Variants in APP observed in about 807,000 individuals in gnomAD.
The protein encoded by APP is amyloid-beta precursor protein.
A neutral mutation model predicts 101.4 loss-of-function variants in APP; 31 were observed. That is an observed-to-expected ratio of 0.31 (90% confidence interval 0.23 to 0.41). APP has a LOEUF of 0.41. Among genes scored for constraint, APP ranks in the 10% least tolerant of loss-of-function variants. The pLI, the probability that APP is intolerant of heterozygous loss-of-function variation, is 1.00. For synonymous variants in APP, 366 were observed against 364.4 expected (o/e 1.00, Z -0.05); for missense variants, 839 against 1,003.7 (o/e 0.84, Z 2.22).
At chr21:26,036,705 TAAG>T (rs2045127349) in intron 5 of APP, among the ~76,000 whole-genome samples, 1 of 152,016 alleles carries the variant, frequency 6.6e-6, no homozygotes, top group Non-Finnish European at 1.5e-5. Flanking sequence ...ACATGTTGGG[TAAG>T]AAGATTCCCA....
chr21:25,929,137 G>C (rs1039634687), intron 13 of APP: 16 of 152,212 alleles, frequency 1.1e-4, no homozygotes, highest in African/African-American at 3.1e-4. Flanking sequence ...GGCTGGTTGA[G>C]AGATGTGTAC....
At position 26,155,317 on chromosome 21, in the gene APP, T is replaced by C. The variant is rs45504299; in HGVS notation, c.57+15247A>G. On this transcript the variant is annotated intron_variant, in intron 1 of 17. Coordinates refer to ENST00000346798, the MANE Select transcript of APP (RefSeq NM_000484.4). ...AATAAATATGTGAAATGTGAACATT[T>C]TGAAGACATAATATGAAAAAATAAT... is the stretch of plus-strand genomic sequence containing the variant. 5.8e-3 allele frequency among the ~76,000 whole-genome samples: 885 copies of C among 152,332 alleles called. 10 individuals carry two copies. The highest frequency in any genetic ancestry group is 0.02 in the African/African-American group (847 of 41,568).
At chr21:26,096,628 C>T (rs560037820) in intron 2 of APP, among the ~76,000 whole-genome samples, 2 of 152,176 alleles carry the variant, frequency 1.3e-5, no homozygotes, top group South Asian at 2.1e-4. Context: ...ATGTCAACAC[C>T]CATGGGTGCA....
At chr21:26,137,490 T>C (rs531027676) in intron 1 of APP, among the ~76,000 whole-genome samples, 1 of 152,334 alleles carries the variant, frequency 6.6e-6, no homozygotes, top group South Asian at 2.1e-4. Context: ...ATAACTTTCA[T>C]TGTTACAAAA....
chr21:25,951,338 T>C (rs1022285212), intron 13 of APP, among the ~76,000 whole-genome samples: 1 of 152,216 alleles, frequency 6.6e-6, no homozygotes, highest in Admixed American at 6.5e-5. Context: ...CCTCTCCCAC[T>C]AAAGATACTG....
At chr21:25,889,839 T>TC (rs2037571651) in intron 17 of APP, among the ~76,000 whole-genome samples, 1 of 150,890 alleles carries the variant, frequency 6.6e-6, no homozygotes, top group Non-Finnish European at 1.5e-5. Flanking sequence ...AGAGCAAGAC[T>TC]CCATCTCAAA....
chr21:26,119,939 TAG>T (rs1441518940), intron 1 of APP, among the ~76,000 whole-genome samples: 1 of 152,224 alleles, frequency 6.6e-6, no homozygotes, highest in Non-Finnish European at 1.5e-5. Context: ...TAGGACAGAT[TAG>T]CACCCAGCAC....
At chr21:26,112,533 TCACA>T (rs2062352595) in intron 1 of APP, among the ~76,000 whole-genome samples, 1 of 152,234 alleles carries the variant, frequency 6.6e-6, no homozygotes, top group African/African-American at 2.4e-5. Flanking sequence ...CTCCACTGAC[TCACA>T]CAGAGCATGA....
At chr21:25,974,817 TGAGTCCCTGG>T (rs984272818) in intron 11 of APP, among the ~76,000 whole-genome samples, 1 of 152,188 alleles carries the variant, frequency 6.6e-6, no homozygotes, top group African/African-American at 2.4e-5. Flanking sequence ...GCTTGCAATG[TGAGTCCCTGG>T]GAGTCCTGTC....
intron 13 of APP, among the ~76,000 whole-genome samples, chr21:25,920,358 A>T (rs1414968261): frequency 6.6e-6 from 1 of 152,202 alleles, no homozygotes; most frequent in African/African-American, 2.4e-5. Context: ...TAATGACAGG[A>T]TCAAATTCAC....
chr21:26,004,797 C>T (rs1284628346), intron 6 of APP, among the ~76,000 whole-genome samples: 1 of 133,996 alleles, frequency 7.5e-6, no homozygotes, highest in East Asian at 2.2e-4. Context: ...GCTTTCCCTC[C>T]CCCAACCCCC....
chr21:26,006,626 T>A (rs1158795232), intron 6 of APP, among the ~76,000 whole-genome samples: 2 of 152,164 alleles, frequency 1.3e-5, no homozygotes, highest in African/African-American at 2.4e-5. Context: ...CCACAAAAAA[T>A]TAGTTCTGAA....
intron 13 of APP, among the ~76,000 whole-genome samples, chr21:25,920,441 TAA>T (rs1347822433): frequency 5.9e-5 from 9 of 152,216 alleles, no homozygotes; most frequent in African/African-American, 2.2e-4. Context: ...GCAAGTTGGA[TAA>T]AGAGTCAAGA....
intron 1 of APP, among the ~76,000 whole-genome samples, chr21:26,161,142 A>G (rs2063483745): frequency 6.6e-6 from 1 of 152,246 alleles, no homozygotes; most frequent in Admixed American, 6.5e-5. Context: ...AGGCATTATC[A>G]TGAGTGATCA....
chr21:26,016,858 T>C (rs2044088995), intron 6 of APP, among the ~76,000 whole-genome samples: 2 of 149,778 alleles, frequency 1.3e-5, no homozygotes, highest in Non-Finnish European at 1.5e-5. Flanking sequence ...GCATGAGCCA[T>C]TGCGCCCAGC....
chr21:26,145,568 T>G (rs1230935323), intron 1 of APP, among the ~76,000 whole-genome samples: 1 of 152,032 alleles, frequency 6.6e-6, no homozygotes, highest in Admixed American at 6.6e-5. Flanking sequence ...GACCAGTACC[T>G]GTCCATGGCT....
chr21:25,944,044 A>C (rs957865280), intron 13 of APP, among the ~76,000 whole-genome samples: 1 of 148,412 alleles, frequency 6.7e-6, no homozygotes, highest in Non-Finnish European at 1.5e-5. Flanking sequence ...GCCCCCCCCC[A>C]ACCAAAAGCA....
chr21:26,009,812 C>T (rs2146720796), intron 6 of APP: 1 of 155,448 alleles, frequency 6.4e-6, no homozygotes, highest in South Asian at 2.0e-4. Flanking sequence ...TGGTCTCAAA[C>T]TCCTGACCTC....
intron 13 of APP, among the ~76,000 whole-genome samples, chr21:25,947,622 A>G (rs147126646): frequency 6.6e-6 from 1 of 152,334 alleles, no homozygotes; most frequent in African/African-American, 2.4e-5. Flanking sequence ...TCTGTTACTT[A>G]ATAACACTAG....
Sources: allele counts gnomAD v4.1 joint callset (sites outside exome capture counted in the v4.1 genomes callset), GRCh38; gene constraint gnomAD v4.1.1; transcripts MANE v1.5; gene names NCBI Gene and HGNC (gene_info 2026-07-23, HGNC 2026-07-21).